Variants in SUSD5 observed in about 807,000 individuals in gnomAD.
SUSD5 encodes sushi domain-containing protein 5.
In SUSD5, 33 loss-of-function variants were observed where a neutral mutation model predicts 29.5. The observed-to-expected ratio is 1.12, with a 90% CI of 0.85 to 1.49. The LOEUF is 1.49. SUSD5 is among the 40% of genes most tolerant of loss of function. SUSD5 has a pLI of 0.00. For synonymous variants in SUSD5, 308 were observed against 325.3 expected (o/e 0.95, Z 0.57); for missense variants, 776 against 800.6 (o/e 0.97, Z 0.37).
intron 3 of SUSD5, among the ~76,000 whole-genome samples, chr3:33,178,738 C>T (rs189679258): frequency 7.9e-5 from 12 of 152,206 alleles, no homozygotes; most frequent in Admixed American, 4.6e-4. Flanking sequence ...GCGCCTGGCC[C>T]GGTCTGTAGT....
chr3:33,191,217 C>T (rs1428038831), intron 3 of SUSD5, among the ~76,000 whole-genome samples: 1 of 151,748 alleles, frequency 6.6e-6, no homozygotes, highest in Non-Finnish European at 1.5e-5. Flanking sequence ...ACAAGCTCCA[C>T]CTCCTGGGTT....
At chr3:33,209,039 C>CTAAT (rs2032274405) in intron 2 of SUSD5, among the ~76,000 whole-genome samples, 2 of 152,006 alleles carry the variant, frequency 1.3e-5, no homozygotes, top group Non-Finnish European at 2.9e-5. Flanking sequence ...TGTCTGAAAA[C>CTAAT]GTCTTTATTT....
intron 3 of SUSD5, among the ~76,000 whole-genome samples, chr3:33,180,370 A>T (rs200512249): frequency 8.5e-5 from 13 of 152,154 alleles, no homozygotes; most frequent in African/African-American, 2.9e-4. Flanking sequence ...GTTAAAAAAA[A>T]ATTTTTTTGA....
intron 3 of SUSD5, among the ~76,000 whole-genome samples, chr3:33,179,263 CTTTT>C (rs936289668): frequency 6.6e-6 from 1 of 151,962 alleles, no homozygotes; most frequent in Admixed American, 6.6e-5. Flanking sequence ...GATGTCCCCT[CTTTT>C]TTTTAAAAGC....
chr3:33,167,205 T>C lies in SUSD5; in HGVS notation c.598+7681A>G, dbSNP rs2031323081. Among the ~76,000 whole-genome samples, 1 of 150,534 alleles carries C rather than the reference T, an allele frequency of 6.6e-6. No homozygotes were observed. Among genetic ancestry groups the C allele is most frequent in the African/African-American group, 2.4e-5 (1 of 41,090 alleles). On this transcript the variant is annotated intron_variant, in intron 4 of 4. Transcript: ENST00000309558. The surrounding 1 kb of genome is among the most constrained non-coding windows in gnomAD (Gnocchi z 4.1). ...AAAAAAATATATATATATATAAATA[T>C]ATATATAAAACATAAAGTCAAAAGG...
At chr3:33,189,846 C>A (rs2031855444) in intron 3 of SUSD5, among the ~76,000 whole-genome samples, 1 of 152,140 alleles carries the variant, frequency 6.6e-6, no homozygotes, top group South Asian at 2.1e-4. Context: ...GGTTCTGAGA[C>A]AATGAAGGAA....
intron 4 of SUSD5, among the ~76,000 whole-genome samples, chr3:33,163,987 A>G (rs973241406): frequency 3.9e-5 from 6 of 152,058 alleles, no homozygotes; most frequent in Non-Finnish European, 8.8e-5. Flanking sequence ...GTGACAGAGC[A>G]AGACTCCGTC....
At chr3:33,160,454 C>T (rs545512061) in intron 4 of SUSD5, among the ~76,000 whole-genome samples, 1 of 151,816 alleles carries the variant, frequency 6.6e-6, no homozygotes. Context: ...ACTCGGCAGG[C>T]TGAGGCAGGA....
At chr3:33,217,873 T>C (rs1559459902) in intron 1 of SUSD5, among the ~76,000 whole-genome samples, 1 of 152,228 alleles carries the variant, frequency 6.6e-6, no homozygotes, top group Non-Finnish European at 1.5e-5. Flanking sequence ...GCTTGCTTCC[T>C]TCAGATGCTC....
chr3:33,154,375 T>C (rs935711027), intron 4 of SUSD5, among the ~76,000 whole-genome samples: 7 of 151,858 alleles, frequency 4.6e-5, no homozygotes, highest in African/African-American at 1.2e-4. Flanking sequence ...TACAAAAAAA[T>C]AGCCAGGCAT....
At chr3:33,170,372 C>A (rs1393372174) in intron 4 of SUSD5, among the ~76,000 whole-genome samples, 1 of 152,088 alleles carries the variant, frequency 6.6e-6, no homozygotes, top group Non-Finnish European at 1.5e-5. Context: ...GACTAAATGG[C>A]CAGAACCAGA....
chr3:33,169,201 C>A (rs1032611882), intron 4 of SUSD5, among the ~76,000 whole-genome samples: 1 of 152,136 alleles, frequency 6.6e-6, no homozygotes, highest in Non-Finnish European at 1.5e-5. Context: ...AGTGTATACA[C>A]CTGTGACAGT....
At chr3:33,195,954 A>G (rs976877624) in intron 3 of SUSD5, among the ~76,000 whole-genome samples, 2 of 152,160 alleles carry the variant, frequency 1.3e-5, no homozygotes, top group Admixed American at 6.5e-5. Flanking sequence ...CTAATTGTAA[A>G]AATGGAGCTA....
chr3:33,174,792 T>A, intron 4 of SUSD5, 94 bp downstream of exon 4: 4 of 1,461,420 alleles, frequency 2.7e-6, no homozygotes, highest in Non-Finnish European at 3.7e-6. Context: ...GGCACCTTGG[T>A]GGAGAAGAGC....
At chr3:33,163,698 T>TA (rs1223518380) in intron 4 of SUSD5, among the ~76,000 whole-genome samples, 4 of 151,954 alleles carry the variant, frequency 2.6e-5, no homozygotes, top group Non-Finnish European at 4.4e-5. Context: ...GTGTCTCTAC[T>TA]AAAAAAATAT....
chr3:33,161,618 T>C (rs1463490508), intron 4 of SUSD5, among the ~76,000 whole-genome samples: 1 of 152,124 alleles, frequency 6.6e-6, no homozygotes, highest in Non-Finnish European at 1.5e-5. Flanking sequence ...ACCTGGTATT[T>C]ATAAGAGACA....
At chr3:33,185,244 T>G (rs1202788784) in intron 3 of SUSD5, among the ~76,000 whole-genome samples, 1 of 152,262 alleles carries the variant, frequency 6.6e-6, no homozygotes, top group Non-Finnish European at 1.5e-5. Context: ...ATTTTGTTCC[T>G]GATCACAGGC....
chr3:33,207,509 A>G (rs547883401), intron 3 of SUSD5, among the ~76,000 whole-genome samples: 2 of 152,214 alleles, frequency 1.3e-5, no homozygotes, highest in East Asian at 1.9e-4. Flanking sequence ...CCTCACCCCA[A>G]TCAGAAAAAC....
At chr3:33,199,060 C>T (rs2032050865) in intron 3 of SUSD5, among the ~76,000 whole-genome samples, 2 of 152,066 alleles carry the variant, frequency 1.3e-5, no homozygotes, top group South Asian at 4.1e-4. Flanking sequence ...TATTTTAAAG[C>T]TACATAAGAA....
Sources: allele counts gnomAD v4.1 joint callset (sites outside exome capture counted in the v4.1 genomes callset), GRCh38; gene constraint gnomAD v4.1.1; non-coding constraint Gnocchi (gnomAD v3.1); transcripts MANE v1.5; gene names NCBI Gene and HGNC (gene_info 2026-07-23, HGNC 2026-07-21).